DTNA: variants seen among roughly 807,000 people sequenced by gnomAD.
The protein encoded by DTNA is dystrobrevin alpha, also known as dystrophin-related protein 3.
A neutral mutation model predicts 100.7 loss-of-function variants in DTNA; 43 were observed. That is an observed-to-expected ratio of 0.43 (90% confidence interval 0.33 to 0.55). The LOEUF is 0.55. Among genes scored for constraint, DTNA ranks in the 20% least tolerant of loss-of-function variants. The pLI, the probability that DTNA is intolerant of heterozygous loss-of-function variation, is 0.04. For synonymous variants in DTNA, 349 were observed against 347.9 expected (o/e 1.00, Z -0.04); for missense variants, 798 against 953.9 (o/e 0.84, Z 2.15).
At chr18:34,806,354 A>C (rs1488714484) in intron 5 of DTNA, 50 bp downstream of exon 5, 2 of 1,509,258 alleles carry the variant, frequency 1.3e-6, no homozygotes, top group African/African-American at 2.8e-5. Context: ...GCTAGGTACC[A>C]CCCTTTTCTC....
chr18:34,742,981 C>G (rs550563871), intron 1 of DTNA, among the ~76,000 whole-genome samples: 2 of 152,168 alleles, frequency 1.3e-5, no homozygotes, highest in South Asian at 2.1e-4. Flanking sequence ...AGCTATTCTT[C>G]CTCACTCAAA....
chr18:34,814,574 C>G (rs555341114), intron 6 of DTNA, among the ~76,000 whole-genome samples: 1 of 151,840 alleles, frequency 6.6e-6, no homozygotes, highest in South Asian at 2.1e-4. Flanking sequence ...CACTTATAGT[C>G]CCAGCTACTT....
intron 1 of DTNA, among the ~76,000 whole-genome samples, chr18:34,666,376 G>T (rs1048140450): frequency 6.6e-6 from 1 of 151,806 alleles, no homozygotes; most frequent in Non-Finnish European, 1.5e-5. Flanking sequence ...TAGGTTGCCT[G>T]TTCACTCTGA....
intron 1 of DTNA, among the ~76,000 whole-genome samples, chr18:34,532,540 T>G (rs545491940): frequency 2.7e-5 from 4 of 150,246 alleles, no homozygotes; most frequent in East Asian, 2.0e-4. Flanking sequence ...GTTGTTTTGG[T>G]TTTTTTTTAG....
chr18:34,791,107 A>C (rs540714227), intron 3 of DTNA, among the ~76,000 whole-genome samples: 2 of 152,036 alleles, frequency 1.3e-5, no homozygotes, highest in South Asian at 4.2e-4. Flanking sequence ...TATGTGGGCC[A>C]CTCCTGTGGT....
chr18:34,757,560 T>C (rs2092864996), intron 2 of DTNA, among the ~76,000 whole-genome samples: 2 of 152,216 alleles, frequency 1.3e-5, no homozygotes, highest in South Asian at 4.1e-4. Flanking sequence ...ATTTTGTAAA[T>C]CCTTCTTTGA....
chr18:34,593,482 G>A (rs1408833153), intron 1 of DTNA: 1 of 152,204 alleles, frequency 6.6e-6, no homozygotes, highest in Non-Finnish European at 1.5e-5. Context: ...ATTCACATAT[G>A]TTCTGGATGT....
intron 1 of DTNA, among the ~76,000 whole-genome samples, chr18:34,561,234 G>A (rs1004932081): frequency 6.6e-6 from 1 of 152,054 alleles, no homozygotes; most frequent in African/African-American, 2.4e-5. Context: ...TTCTTTCAAA[G>A]ATAAAATAGG....
chr18:34,848,363 G>A lies in DTNA; in HGVS notation c.1414G>A (p.Ala472Thr), dbSNP rs2096417016. The change falls in exon 14 of 23, where the codon GCA (alanine) becomes ACA (threonine). Residue 472 changes from alanine to threonine, a missense_variant. By Grantham distance (58) the Ala-to-Thr change is moderately conservative. Around this residue, in one of 6 missense-constraint regions of DTNA, gnomAD observed 159 missense variants for 201.2 expected, o/e 0.79. Coordinates refer to ENST00000444659, the MANE Select transcript of DTNA (RefSeq NM_001386795.1). ...AATTGCCAGGTATGCGGCAAGGCTGGCAGCAGAGTCCTCTTCGTCTGTAAG... is the reference window on the plus strand; with the variant it reads ...AATTGCCAGGTATGCGGCAAGGCTGACAGCAGAGTCCTCTTCGTCTGTAAG... ...RLIARYAARLAAESSSSQPPQ... is the reference protein window; with the variant it reads ...RLIARYAARLTAESSSSQPPQ... The A allele has an allele frequency of 6.8e-6, 11 of 1,613,998 alleles. No individual in the cohort carries two copies. The South Asian group carries it at 1.1e-4, about 16-fold the overall frequency.
intron 1 of DTNA, among the ~76,000 whole-genome samples, chr18:34,654,530 G>A (rs111657187): frequency 6.6e-6 from 1 of 152,126 alleles, no homozygotes; most frequent in African/African-American, 2.4e-5. Context: ...CAGAACACAC[G>A]CAGTACCTTT....
At chr18:34,512,503 T>A (rs2041192880) in intron 1 of DTNA, among the ~76,000 whole-genome samples, 1 of 152,046 alleles carries the variant, frequency 6.6e-6, no homozygotes, top group African/African-American at 2.4e-5. Context: ...CCACTAGCAG[T>A]CCCTGAAAAC....
upstream of DTNA, among the ~76,000 whole-genome samples, chr18:34,707,070 TA>T (rs2082207448): frequency 6.6e-6 from 1 of 152,252 alleles, no homozygotes; most frequent in South Asian, 2.1e-4. Flanking sequence ...TTGCTTGTTT[TA>T]ATTTCATTAA....
At chr18:34,628,948 G>A (rs536826488) in intron 1 of DTNA, among the ~76,000 whole-genome samples, 65 of 152,086 alleles carry the variant, frequency 4.3e-4, no homozygotes, top group African/African-American at 1.5e-3. Flanking sequence ...TTCACAAAGC[G>A]CCTCCTCCCC....
chr18:34,535,000 A>G (rs914108107), intron 1 of DTNA, among the ~76,000 whole-genome samples: 1 of 152,158 alleles, frequency 6.6e-6, no homozygotes, highest in South Asian at 2.1e-4. Context: ...TCCTTTGGGT[A>G]TATACCCAGT....
At chr18:34,562,791 G>A (rs2046752207) in intron 1 of DTNA, among the ~76,000 whole-genome samples, 1 of 152,090 alleles carries the variant, frequency 6.6e-6, no homozygotes, top group African/African-American at 2.4e-5. Context: ...TAAAGTTAGA[G>A]GACTACTGAT....
At chr18:34,506,053 C>T (rs1017694169) in intron 1 of DTNA, among the ~76,000 whole-genome samples, 3 of 152,208 alleles carry the variant, frequency 2.0e-5, no homozygotes, top group Admixed American at 6.5e-5. Flanking sequence ...CCCTTGACAC[C>T]TGAGGGGACT....
chr18:34,672,423 C>T (rs1000386050), intron 1 of DTNA, among the ~76,000 whole-genome samples: 8 of 152,238 alleles, frequency 5.3e-5, no homozygotes, highest in African/African-American at 1.9e-4. Flanking sequence ...AAGAAAGTGA[C>T]TCCTATTTTT....
At chr18:34,728,792 G>T (rs1396281008) in intron 1 of DTNA, among the ~76,000 whole-genome samples, 1 of 152,142 alleles carries the variant, frequency 6.6e-6, no homozygotes, top group Non-Finnish European at 1.5e-5. Context: ...TTCCCAAACA[G>T]CAGGTAAGAT....
At position 34,888,840 on chromosome 18, in the gene DTNA, G is replaced by T; in HGVS notation, c.*1106G>T. ...CTTTAAATGTACAGGCTTAAAGTGC[G>T]CTTGCAAACGTTTGCTCTCCTTTTT... On this transcript the variant is annotated 3_prime_UTR_variant, in exon 23 of 23. Transcript: ENST00000444659. The T allele has an allele frequency of 7.1e-6, 7 of 985,858 alleles. No individual in the cohort carries two copies. The highest frequency in any genetic ancestry group is 8.4e-6 in the Non-Finnish European group (7 of 829,958). 61.1% of individuals were successfully genotyped at this position (985,858 alleles called of 1,614,324 possible). A position where few individuals can be genotyped will look rare whatever the true frequency, so the allele number is the denominator to read the frequency against.
Sources: allele counts gnomAD v4.1 joint callset (sites outside exome capture counted in the v4.1 genomes callset), GRCh38; gene constraint gnomAD v4.1.1; regional missense constraint gnomAD v4.1.1; transcripts MANE v1.5; gene names NCBI Gene and HGNC (gene_info 2026-07-23, HGNC 2026-07-21).